IPO5: variants seen among roughly 807,000 people sequenced by gnomAD.
The protein encoded by IPO5 is importin 5.
In IPO5, 18 loss-of-function variants were observed where a neutral mutation model predicts 143.3. The ratio of observed to expected loss-of-function variants is 0.13; its 90% confidence interval spans 0.09 to 0.19. The LOEUF (loss-of-function observed/expected upper bound fraction) is 0.19. Among genes scored for constraint, IPO5 ranks in the 10% least tolerant of loss-of-function variants. The probability of loss-of-function intolerance (pLI) is 1.00; values close to 1 mark genes in which losing one functional copy is unlikely to be tolerated. For synonymous variants in IPO5, 477 were observed against 465.7 expected (o/e 1.02, Z -0.31); for missense variants, 1,013 against 1,336.9 (o/e 0.76, Z 3.78).
intron 9 of IPO5, among the ~76,000 whole-genome samples, chr13:97,991,005 G>A (rs1277882800): frequency 6.6e-6 from 1 of 152,052 alleles, no homozygotes; most frequent in Non-Finnish European, 1.5e-5. Flanking sequence ...AATAAGATGA[G>A]ACAAGATAGA....
chr13:97,997,032 T>C (rs1037235806), intron 11 of IPO5, among the ~76,000 whole-genome samples: 5 of 152,242 alleles, frequency 3.3e-5, no homozygotes, highest in Non-Finnish European at 7.3e-5. Context: ...CCAAAATGTT[T>C]ATCAGCTAGA....
rs752219860 is a variant in IPO5 at position 98,016,697 on chromosome 13, CAT to C, written c.2494-29_2494-28del. The C allele has an allele frequency of 5.1e-5, 58 of 1,144,910 alleles. 1 individual carries two copies. Among genetic ancestry groups the C allele is most frequent in the Non-Finnish European group, 6.7e-5 (56 of 831,172 alleles). The allele number at this position is 1,144,910 out of a possible 1,614,324, so 70.9% of individuals were successfully genotyped here. ...ATAATAGAAAATATACTTTTTAATC[CAT>C]ATGAGTGTTTATGTGTATGTTTTTT... is the stretch of plus-strand genomic sequence containing the variant. On this transcript the variant is annotated intron_variant, in intron 24 of 28. Coordinates refer to ENST00000651721, the MANE Select transcript of IPO5 (RefSeq NM_002271.6).
Position 97,993,167 on chromosome 13 carries a change from C to G in IPO5, c.855C>G (p.Thr285=), listed in dbSNP as rs747781910. The part of the protein sequence containing the change: ...QRQLALEVIV[T]LSETAAAMLR... ...AGCTTGCCCTTGAAGTGATCGTCAC[C>G]CTCTCTGAGACTGCAGCTGCTATGT... The change falls in exon 11 of 29, where the codon ACC becomes ACG. Residue 285 remains threonine, a synonymous_variant. Transcript: ENST00000651721. 1 of 1,613,678 alleles carries G rather than the reference C, an allele frequency of 6.2e-7. No homozygotes were observed. The highest frequency in any genetic ancestry group is 1.1e-5 in the South Asian group (1 of 91,056).
chr13:97,976,607 C>G (rs1346924708), intron 3 of IPO5, 86 bp from the exon 4 acceptor site: 1 of 370,220 alleles, frequency 2.7e-6, no homozygotes, highest in Admixed American at 5.3e-5. Context: ...CCGGTCCCCG[C>G]GCTGGGCCCG....
intron 2 of IPO5, among the ~76,000 whole-genome samples, chr13:97,959,659 G>A (rs1319095208): frequency 2.0e-5 from 3 of 151,744 alleles, no homozygotes; most frequent in Non-Finnish European, 2.9e-5. Context: ...GCTTGAACCC[G>A]GGAGGCGTAG....
chr13:97,982,684 T>C (rs959859510), intron 5 of IPO5, 101 bp downstream of exon 5: 12 of 752,696 alleles, frequency 1.6e-5, no homozygotes, highest in Middle Eastern at 2.5e-4. Context: ...ATTAACCACA[T>C]AGACTTTACT....
chr13:98,016,003 A>T (rs141845706), intron 24 of IPO5, among the ~76,000 whole-genome samples: 2 of 152,238 alleles, frequency 1.3e-5, no homozygotes, highest in Non-Finnish European at 2.9e-5. Flanking sequence ...ACCTCACTCA[A>T]CAAAACACCT....
At chr13:97,970,220 T>C (rs1410703431) in intron 3 of IPO5, among the ~76,000 whole-genome samples, 1 of 152,214 alleles carries the variant, frequency 6.6e-6, no homozygotes, top group Non-Finnish European at 1.5e-5. Context: ...TAAATATAAC[T>C]ATTTTATTTA....
At chr13:97,979,754 ACTC>A (rs1216109430) in intron 4 of IPO5, 18 of 389,066 alleles carry the variant, frequency 4.6e-5, no homozygotes, top group South Asian at 3.1e-4. Context: ...CTGGTCTTGA[ACTC>A]CTGGCCTCAA....
chr13:97,955,818 CT>C (rs1453142941), intron 2 of IPO5, among the ~76,000 whole-genome samples: 1 of 152,114 alleles, frequency 6.6e-6, no homozygotes, highest in East Asian at 1.9e-4. Context: ...ATACGCCCCA[CT>C]CTGGAAAGGT....
Position 98,023,534 on chromosome 13 carries a change from AC to A in IPO5, c.*1714del, listed in dbSNP as rs2139899978. ...AAGAAACATGTTAAAATCATGGCACACCTGCAGAATTTCAGATGACAGTGTG... is the reference window on the plus strand; with the variant it reads ...AAGAAACATGTTAAAATCATGGCACACTGCAGAATTTCAGATGACAGTGTG... On this transcript the variant is annotated 3_prime_UTR_variant, in exon 29 of 29. Coordinates refer to ENST00000651721, the MANE Select transcript of IPO5 (RefSeq NM_002271.6). 1 of 152,340 alleles carries A rather than the reference AC, an allele frequency of 6.6e-6. No homozygotes were observed. The highest frequency in any genetic ancestry group is 2.1e-4 in the South Asian group (1 of 4,828). 9.4% of individuals were successfully genotyped at this position (152,340 alleles called of 1,614,324 possible). A position where few individuals can be genotyped will look rare whatever the true frequency, so the allele number is the denominator to read the frequency against.
rs972709062 is a variant in IPO5 at position 97,970,319 on chromosome 13, T to C, written c.-5+489T>C. 1.1e-4 allele frequency among the ~76,000 whole-genome samples: 17 copies of C among 152,286 alleles called. No individual in the cohort carries two copies. The East Asian group carries it at 3.3e-3, about 29-fold the overall frequency. On this transcript the variant is annotated intron_variant, in intron 3 of 28. Coordinates refer to ENST00000651721, the MANE Select transcript of IPO5 (RefSeq NM_002271.6). ...AGTCTTTGAAATTTACTGTGTATTTTACACTTAAAATATATCTCAGGCCAG... is the reference window on the plus strand; with the variant it reads ...AGTCTTTGAAATTTACTGTGTATTTCACACTTAAAATATATCTCAGGCCAG...
chr13:97,982,723 G>A, intron 5 of IPO5, 140 bp downstream of exon 5: 1 of 633,634 alleles, frequency 1.6e-6, no homozygotes. Flanking sequence ...TTTGCTAAAA[G>A]CTACTTAGGA....
At chr13:97,989,228 CT>C in intron 7 of IPO5, 64 bp downstream of exon 7, 1 of 838,478 alleles carries the variant, frequency 1.2e-6, no homozygotes, top group Non-Finnish European at 2.0e-6. Context: ...CACCTTTTAA[CT>C]GATTATTTTA....
chr13:98,011,691 G>T (rs916243193), intron 20 of IPO5, among the ~76,000 whole-genome samples: 3 of 152,140 alleles, frequency 2.0e-5, no homozygotes, highest in Non-Finnish European at 4.4e-5. Flanking sequence ...ATTTTTAGTA[G>T]AGACGGGGTT....
rs1884299544 is a variant in IPO5, at chr13:97,954,124, T to G, written c.-187T>G. On this transcript the variant is annotated 5_prime_UTR_variant, in exon 2 of 29. Transcript: ENST00000651721. ...TCAGTTTTTATTTCACTTAGGTGGT[T>G]CCGGGGAGAAGCCTTTCCAGGACCC... 1.1e-5 allele frequency: 3 copies of G among 262,396 alleles called. No homozygotes were observed. Among genetic ancestry groups the G allele is most frequent in the Middle Eastern group, 7.5e-4 (1 of 1,334 alleles). 16.3% of individuals were successfully genotyped at this position (262,396 alleles called of 1,614,324 possible).
At chr13:97,968,522 C>T (rs957170256) in intron 2 of IPO5, among the ~76,000 whole-genome samples, 1 of 152,032 alleles carries the variant, frequency 6.6e-6, no homozygotes, top group Non-Finnish European at 1.5e-5. Context: ...TCCCTTAATT[C>T]TGTCAGGTTT....
At chr13:98,007,060 A>T (rs1889325469) in intron 17 of IPO5, among the ~76,000 whole-genome samples, 1 of 150,222 alleles carries the variant, frequency 6.7e-6, no homozygotes. Flanking sequence ...TTTAGTAGAG[A>T]TGGGGTTTCA....
At chr13:97,959,455 C>T (rs1329406616) in intron 2 of IPO5, among the ~76,000 whole-genome samples, 1 of 152,030 alleles carries the variant, frequency 6.6e-6, no homozygotes, top group East Asian at 1.9e-4. Context: ...CCCGGCAGGG[C>T]ACGGTGGCTC....
Sources: allele counts gnomAD v4.1 joint callset (sites outside exome capture counted in the v4.1 genomes callset), GRCh38; gene constraint gnomAD v4.1.1; transcripts MANE v1.5; gene names NCBI Gene and HGNC (gene_info 2026-07-23, HGNC 2026-07-21).